ITPK1: variants seen among roughly 807,000 people sequenced by gnomAD.
The protein encoded by ITPK1 is inositol-tetrakisphosphate 1-kinase, also known as inositol 1,3,4-trisphosphate 5/6-kinase.
A neutral mutation model predicts 45.3 loss-of-function variants in ITPK1; 21 were observed. That is an observed-to-expected ratio of 0.46 (90% confidence interval 0.33 to 0.67). The LOEUF (loss-of-function observed/expected upper bound fraction) is 0.67. ITPK1 is among the 30% of genes least tolerant of loss of function. ITPK1 has a pLI of 0.02. For missense variants in ITPK1, 474 were observed against 573.5 expected, an observed-to-expected ratio of 0.83 and a Z score of 1.77; for synonymous variants, 258 against 253.6, an observed-to-expected ratio of 1.02 and a Z score of -0.16.
intron 3 of ITPK1, among the ~76,000 whole-genome samples, chr14:93,043,375 A>C (rs551993436): frequency 3.3e-5 from 5 of 152,372 alleles, no homozygotes; most frequent in Non-Finnish European, 7.4e-5. Flanking sequence ...AGCCGAAGAC[A>C]GCACAGTAGA....
chr14:92,946,892 G>C (rs1887717657), intron 9 of ITPK1, among the ~76,000 whole-genome samples: 2 of 152,270 alleles, frequency 1.3e-5, no homozygotes, highest in African/African-American at 4.8e-5. Context: ...GAGATGGAGA[G>C]TGTGTCAGGG....
At chr14:92,952,063 C>A (rs1887982702) in intron 8 of ITPK1, 50 bp from the exon 9 acceptor site, 5 of 1,418,108 alleles carry the variant, frequency 3.5e-6, no homozygotes, top group Non-Finnish European at 4.9e-6. Context: ...ATGCAGGGAC[C>A]ACACTGCCGC....
chr14:93,034,266 A>C lies in ITPK1; in HGVS notation c.121-17465T>G, dbSNP rs143868038. 0.055 allele frequency among the ~76,000 whole-genome samples: 4,020 copies of C among 73,098 alleles called. 93 individuals are homozygous for C. Among genetic ancestry groups the C allele is most frequent in the Admixed American group, 0.18 (1,239 of 7,028 alleles). 48.0% of individuals were successfully genotyped at this position (73,098 alleles called of 152,430 possible). ...TTCCCATGGCAAACCACCCACCCCC[A>C]ACACTCCCCCACCCCCTGTCGGAGC... On this transcript the variant is annotated intron_variant, in intron 3 of 10. Transcript: ENST00000267615. This position sits in a 1 kb window ranked among gnomAD's most constrained non-coding sequence, Gnocchi z 4.1.
At chr14:92,956,642 G>A (rs1041756227) in intron 8 of ITPK1, among the ~76,000 whole-genome samples, 4 of 152,160 alleles carry the variant, frequency 2.6e-5, no homozygotes, top group African/African-American at 9.7e-5. Flanking sequence ...GGATAAGAAA[G>A]GAGATCTGAC....
intron 3 of ITPK1, among the ~76,000 whole-genome samples, chr14:93,065,719 C>T (rs938376573): frequency 3.3e-5 from 5 of 152,124 alleles, no homozygotes; most frequent in African/African-American, 1.2e-4. Context: ...GACTTAGGTC[C>T]CCAAAGATTT....
chr14:93,090,236 G>A (rs111581938), intron 2 of ITPK1, among the ~76,000 whole-genome samples: 2,409 of 152,136 alleles, frequency 0.016, 70 homozygotes, highest in African/African-American at 0.055. Context: ...CCCACAGGTC[G>A]GTTCTTTCAC....
intron 4 of ITPK1, among the ~76,000 whole-genome samples, chr14:92,999,128 C>T (rs1200696129): frequency 5.5e-4 from 83 of 152,252 alleles, no homozygotes; most frequent in Non-Finnish European, 1.0e-4. Flanking sequence ...CCCCATCTGC[C>T]CTAGGCCTGT....
chr14:93,028,798 G>A (rs1888883380), intron 3 of ITPK1, among the ~76,000 whole-genome samples: 1 of 152,204 alleles, frequency 6.6e-6, no homozygotes, highest in African/African-American at 2.4e-5. Context: ...GCATTTCTAA[G>A]CCTCAGCGTC....
chr14:93,077,311 C>T (rs149697283), intron 2 of ITPK1, among the ~76,000 whole-genome samples: 1,585 of 152,278 alleles, frequency 0.01, 15 homozygotes, highest in Non-Finnish European at 0.016. Context: ...CTACCCTTCT[C>T]TTCCTGACCC....
chr14:93,037,418 C>T (rs1026782491), intron 3 of ITPK1, among the ~76,000 whole-genome samples: 2 of 152,174 alleles, frequency 1.3e-5, no homozygotes, highest in Non-Finnish European at 2.9e-5. Context: ...AGGAATGTGA[C>T]GGTTGGGTTT....
intron 3 of ITPK1, chr14:93,070,608 G>C (rs1034560162): frequency 3.9e-5 from 6 of 152,284 alleles, no homozygotes; most frequent in African/African-American, 1.4e-4. Flanking sequence ...GTTAGGATCT[G>C]TTGGGTAGAT....
At chr14:92,955,051 C>G (rs898818875) in intron 8 of ITPK1, among the ~76,000 whole-genome samples, 1 of 152,230 alleles carries the variant, frequency 6.6e-6, no homozygotes, top group African/African-American at 2.4e-5. Context: ...GGATCCCCAG[C>G]AGCTCACGCA....
chr14:92,942,947 C>T (rs958715645), intron 10 of ITPK1, among the ~76,000 whole-genome samples: 6 of 152,260 alleles, frequency 3.9e-5, no homozygotes, highest in South Asian at 2.1e-4. Context: ...AAGGTTCAGA[C>T]GGGGGCACCC....
intron 5 of ITPK1, 36 bp from the exon 6 acceptor site, chr14:92,962,885 T>G: frequency 6.7e-7 from 1 of 1,483,372 alleles, no homozygotes; most frequent in Non-Finnish European, 9.3e-7. Flanking sequence ...GCACAGCTCC[T>G]GGGCAGCCGC....
chr14:93,051,099 C>T (rs564091152), intron 3 of ITPK1, among the ~76,000 whole-genome samples: 5 of 152,262 alleles, frequency 3.3e-5, no homozygotes, highest in Admixed American at 6.5e-5. Context: ...ACCAATCAAA[C>T]GGTGATGGCC....
intron 5 of ITPK1, among the ~76,000 whole-genome samples, chr14:92,987,703 C>G (rs1280298616): frequency 5.3e-5 from 8 of 152,168 alleles, no homozygotes; most frequent in African/African-American, 1.7e-4. Flanking sequence ...AGGTTCCACA[C>G]CCCCCATCTG....
chr14:93,109,521 T>G (rs1201330284), intron 2 of ITPK1, among the ~76,000 whole-genome samples: 1 of 152,202 alleles, frequency 6.6e-6, no homozygotes, highest in African/African-American at 2.4e-5. Context: ...AGTAACAAGA[T>G]TACCAGTGGA....
intron 8 of ITPK1, among the ~76,000 whole-genome samples, chr14:92,956,807 C>A (rs926198083): frequency 2.0e-5 from 3 of 151,976 alleles, no homozygotes; most frequent in Non-Finnish European, 4.4e-5. Flanking sequence ...AAATGTCAGC[C>A]TCTTCCAGCC....
intron 3 of ITPK1, among the ~76,000 whole-genome samples, chr14:93,023,472 G>A (rs1001435097): frequency 6.6e-6 from 1 of 152,142 alleles, no homozygotes; most frequent in Non-Finnish European, 1.5e-5. Flanking sequence ...AATAACCCAC[G>A]GTTTTCAGCT....
Sources: allele counts gnomAD v4.1 joint callset (sites outside exome capture counted in the v4.1 genomes callset), GRCh38; gene constraint gnomAD v4.1.1; non-coding constraint Gnocchi (gnomAD v3.1); transcripts MANE v1.5; gene names NCBI Gene and HGNC (gene_info 2026-07-23, HGNC 2026-07-21).